Variants in SHB observed in about 807,000 individuals in gnomAD.
SHB encodes the protein SH2 domain-containing adapter protein B.
Under a neutral mutation model 52.3 loss-of-function variants are expected in SHB, and 20 were observed. That is an observed-to-expected ratio of 0.38 (90% confidence interval 0.27 to 0.56). The LOEUF is 0.56. SHB is among the 20% of genes least tolerant of loss of function. SHB has a pLI of 0.71. For missense variants in SHB, 825 were observed against 723.3 expected (o/e 1.14, Z -1.61); for synonymous variants, 397 against 316.5 (o/e 1.25, Z -2.70).
chr9:38,068,147 C>CGCT lies in SHB; in HGVS notation c.496_498dup (p.Ser166dup), dbSNP rs750691435. ...TCGGCCGGCGTGGCGGGCCGCCGCT[C>CGCT]GCTGCTGCTGCGGTAGAGATGCGGA... On this transcript the variant is annotated inframe_insertion, in exon 1 of 6. Transcript: ENST00000377707. 8.3e-6 allele frequency: 12 copies of CGCT among 1,441,214 alleles called. No individual in the cohort carries two copies. Among genetic ancestry groups the CGCT allele is most frequent in the Non-Finnish European group, 9.9e-6 (11 of 1,109,618 alleles). The allele number at this position is 1,441,214 out of a possible 1,614,324, so 89.3% of individuals were successfully genotyped here. A position where few individuals can be genotyped will look rare whatever the true frequency, so the allele number is the denominator to read the frequency against.
chr9:38,007,779 T>TA (rs1164405298), intron 2 of SHB, among the ~76,000 whole-genome samples: 4 of 148,938 alleles, frequency 2.7e-5, no homozygotes, highest in African/African-American at 7.5e-5. Context: ...AAGGGAAATG[T>TA]AAAAAAAGTA....
chr9:37,938,892 G>A (rs1407964561), intron 5 of SHB, among the ~76,000 whole-genome samples: 1 of 152,196 alleles, frequency 6.6e-6, no homozygotes, highest in Non-Finnish European at 1.5e-5. Context: ...GTTTTAGGCA[G>A]CATTGGGAAG....
intron 1 of SHB, among the ~76,000 whole-genome samples, chr9:38,038,993 T>G (rs943579252): frequency 2.0e-5 from 3 of 152,160 alleles, no homozygotes; most frequent in Non-Finnish European, 2.9e-5. Context: ...CTGTCAGCCG[T>G]GAAGAAAAAC....
chr9:37,974,482 C>CT, intron 3 of SHB, 140 bp downstream of exon 3: 1 of 705,280 alleles, frequency 1.4e-6, no homozygotes. Flanking sequence ...CAGCCTACAT[C>CT]TGTGAGGGTA....
At chr9:38,027,928 G>A (rs987757219) in intron 1 of SHB, among the ~76,000 whole-genome samples, 51 of 149,202 alleles carry the variant, frequency 3.4e-4, no homozygotes, top group African/African-American at 1.3e-3. Context: ...GAGCCAAGAG[G>A]TCTCTTCTGG....
intron 4 of SHB, among the ~76,000 whole-genome samples, chr9:37,949,992 C>T (rs781750746): frequency 1.8e-4 from 27 of 152,234 alleles, no homozygotes; most frequent in Admixed American, 5.9e-4. Context: ...GCTGGAGTGC[C>T]GTGGCGCGAT....
intron 1 of SHB, among the ~76,000 whole-genome samples, chr9:38,046,227 G>A (rs1821650609): frequency 6.6e-6 from 1 of 152,132 alleles, no homozygotes; most frequent in Non-Finnish European, 1.5e-5. Context: ...GCCAGGGTTG[G>A]GCAAAGCTTC....
intron 2 of SHB, among the ~76,000 whole-genome samples, chr9:37,988,521 C>T (rs1820838957): frequency 6.6e-6 from 1 of 152,162 alleles, no homozygotes; most frequent in Non-Finnish European, 1.5e-5. Flanking sequence ...GCTGACCTGG[C>T]ATCCTGACCA....
At chr9:37,920,331 AAAACT>A (rs1017628633) in intron 5 of SHB, among the ~76,000 whole-genome samples, 3 of 130,662 alleles carry the variant, frequency 2.3e-5, no homozygotes, top group African/African-American at 8.6e-5. Flanking sequence ...AAAACAAAAC[AAAACT>A]TAGTCCCTCT....
At chr9:37,968,694 C>G (rs1587218820) in intron 3 of SHB, among the ~76,000 whole-genome samples, 1 of 152,318 alleles carries the variant, frequency 6.6e-6, no homozygotes, top group Non-Finnish European at 1.5e-5. Context: ...GCTCCTCTAT[C>G]AAGCTCAAGA....
intron 2 of SHB, among the ~76,000 whole-genome samples, chr9:38,013,852 C>T (rs931229532): frequency 6.6e-6 from 1 of 152,172 alleles, no homozygotes; most frequent in Non-Finnish European, 1.5e-5. Flanking sequence ...CCATGTTCTG[C>T]ACTCAGGGCA....
intron 1 of SHB, among the ~76,000 whole-genome samples, chr9:38,028,908 T>TAGGGTG (rs1022376876): frequency 1.3e-4 from 20 of 152,008 alleles, no homozygotes; most frequent in Non-Finnish European, 1.5e-5. Flanking sequence ...CACGGGGTGG[T>TAGGGTG]AGGGTGAGGG....
intron 1 of SHB, among the ~76,000 whole-genome samples, chr9:38,021,350 AAAT>A (rs1348167861): frequency 6.7e-6 from 1 of 149,748 alleles, no homozygotes; most frequent in East Asian, 2.0e-4. Context: ...CAAAAAATAA[AAAT>A]AAAATAAAAA....
At chr9:38,036,027 G>C (rs1226495600) in intron 1 of SHB, among the ~76,000 whole-genome samples, 1 of 152,142 alleles carries the variant, frequency 6.6e-6, no homozygotes, top group Non-Finnish European at 1.5e-5. Flanking sequence ...CCAGCGAGGG[G>C]AAGTGACTCG....
At chr9:37,980,087 AT>A (rs35317959) in intron 2 of SHB, among the ~76,000 whole-genome samples, 2 of 152,020 alleles carry the variant, frequency 1.3e-5, no homozygotes, top group East Asian at 3.9e-4. Flanking sequence ...GCTGTGGAAA[AT>A]TTTTTATGCC....
intron 1 of SHB, among the ~76,000 whole-genome samples, chr9:38,033,157 G>T (rs1333371492): frequency 6.6e-6 from 1 of 152,208 alleles, no homozygotes; most frequent in Non-Finnish European, 1.5e-5. Context: ...CTAAGGAGAT[G>T]AGGCGGCCCT....
At chr9:37,995,375 C>A (rs2118025443) in intron 2 of SHB, among the ~76,000 whole-genome samples, 1 of 151,922 alleles carries the variant, frequency 6.6e-6, no homozygotes, top group South Asian at 2.1e-4. Context: ...GAGCCCTCCT[C>A]TGCTGTGTAT....
At position 38,061,520 on chromosome 9, in the gene SHB, G is replaced by A. The variant is rs112755849; in HGVS notation, c.717+6409C>T. 1.4e-3 allele frequency among the ~76,000 whole-genome samples: 216 copies of A among 152,304 alleles called. 1 individual carries two copies. The highest frequency in any genetic ancestry group is 2.8e-3 in the African/African-American group (118 of 41,554). ...TCTGGGCTCTCCCAGCACAAGCTAA[G>A]CTAATCAGGGGAAGGCTTGACCACA... On this transcript the variant is annotated intron_variant, in intron 1 of 5. Transcript: ENST00000377707.
rs1470494145 is a variant in SHB, at chr9:38,039,423, G to A, written c.718-23292C>T. 2.0e-5 allele frequency among the ~76,000 whole-genome samples: 3 copies of A among 152,270 alleles called. 1 individual carries two copies. The highest frequency in any genetic ancestry group is 4.4e-5 in the Non-Finnish European group (3 of 68,046). ...CCTGTATGTGCTGCTGCCACTTCAA[G>A]TTTGCAAGAAGTCTGCAAGATCCGA... is the stretch of plus-strand genomic sequence containing the variant. On this transcript the variant is annotated intron_variant, in intron 1 of 5. Coordinates refer to ENST00000377707, the MANE Select transcript of SHB (RefSeq NM_003028.3).
Sources: gnomAD v4.1 joint callset for allele counts (sites outside exome capture counted in the v4.1 genomes callset) on GRCh38, gnomAD v4.1.1 for gene constraint, MANE v1.5 for transcripts, NCBI Gene and HGNC (gene_info 2026-07-23, HGNC 2026-07-21) for gene names.